GCN1: variants seen among roughly 807,000 people sequenced by gnomAD.
The protein encoded by GCN1 is stalled ribosome sensor GCN1.
In GCN1, 90 loss-of-function variants were observed where a neutral mutation model predicts 288.4. The observed-to-expected ratio is 0.31, with a 90% CI of 0.26 to 0.37. The LOEUF (loss-of-function observed/expected upper bound fraction) is 0.37, where lower values mean the gene tolerates loss of function less well. Ranked by LOEUF, GCN1 falls within the 10% of genes least tolerant of loss-of-function variation. The probability of loss-of-function intolerance (pLI) is 1.00; values close to 1 mark genes in which losing one functional copy is unlikely to be tolerated. For missense variants in GCN1, 2,586 were observed against 3,419.9 expected (o/e 0.76, Z 6.08); for synonymous variants, 1,386 against 1,420.2 (o/e 0.98, Z 0.54).
At position 120,131,597 on chromosome 12, in the gene GCN1, G is replaced by T. The variant is rs141209798; in HGVS notation, c.7415-264C>A. ...TGAGCAGAGACACTCAGGGCTACGGGACCACTGCAAATTCAGTATTGTTTG... is the reference window on the plus strand; with the variant it reads ...TGAGCAGAGACACTCAGGGCTACGGTACCACTGCAAATTCAGTATTGTTTG... On this transcript the variant is annotated intron_variant, in intron 54 of 57. Transcript: ENST00000300648. Among the ~76,000 whole-genome samples, 23 of 152,312 alleles carry T rather than the reference G, an allele frequency of 1.5e-4. No individual in the cohort carries two copies. In the East Asian group the frequency reaches 4.1e-3, roughly 27 times the overall value.
chr12:120,152,017 A>G (rs1877570909), intron 33 of GCN1, among the ~76,000 whole-genome samples: 1 of 143,784 alleles, frequency 7.0e-6, no homozygotes, highest in Admixed American at 6.8e-5. Context: ...TTTTTGGTAA[A>G]GTTTTTTGTT....
chr12:120,177,591 T>C (rs751101099), intron 8 of GCN1, 36 bp from the exon 9 acceptor site: 1 of 1,550,498 alleles, frequency 6.4e-7, no homozygotes, highest in Admixed American at 1.7e-5. Flanking sequence ...CTAGCCCTCA[T>C]GGGAACGGAC....
In GCN1 at chr12:120,142,512, T is replaced by A; in HGVS notation, c.5824A>T (p.Arg1942Ter). 1 of 1,613,286 alleles carries A rather than the reference T, an allele frequency of 6.2e-7. No homozygotes were observed. Among genetic ancestry groups the A allele is most frequent in the Non-Finnish European group, 8.5e-7 (1 of 1,179,476 alleles). ...GFLASTCADK[R>*]TIAARTLGDL... The stretch of plus-strand genomic sequence containing the variant: ...ACAAGGCCCAGGAAACTCACCGTTC[T>A]CTTATCTGCACACGTGCTGGCCAGG... Residue 1942 changes from arginine to a stop codon, truncating the protein, a stop_gained, in exon 44 of 58, where the codon AGA becomes TGA. Transcript: ENST00000300648. LOFTEE classifies it high-confidence loss of function. This position sits in a 1 kb window ranked among gnomAD's most constrained non-coding sequence, Gnocchi z 4.9.
Position 120,161,874 on chromosome 12 carries a change from T to C in GCN1, c.2342+6A>G, listed in dbSNP as rs1594275846. 1 of 1,613,290 alleles carries C rather than the reference T, an allele frequency of 6.2e-7. No individual in the cohort carries two copies. Among genetic ancestry groups the C allele is most frequent in the Non-Finnish European group, 8.5e-7 (1 of 1,179,476 alleles). ...AAGGAAACTGAGCCCATAAGTGAGG[T>C]CTCACCTCTGAATGATGGATTTGTC... is the stretch of plus-strand genomic sequence containing the variant. On this transcript the variant is annotated splice_donor_region_variant and intron_variant, in intron 21 of 57. Coordinates refer to ENST00000300648, the MANE Select transcript of GCN1 (RefSeq NM_006836.2).
chr12:120,188,427 C>CTG (rs1157271526), intron 2 of GCN1, among the ~76,000 whole-genome samples: 1 of 124,736 alleles, frequency 8.0e-6, no homozygotes, highest in Non-Finnish European at 1.6e-5. Context: ...GAGGGAGACT[C>CTG]TGTCTCACCA....
At chr12:120,152,370 G>A (rs1170510250) in intron 33 of GCN1, among the ~76,000 whole-genome samples, 1 of 135,488 alleles carries the variant, frequency 7.4e-6, no homozygotes, top group Non-Finnish European at 1.6e-5. Context: ...GGTCCAAAAT[G>A]CAAACCACAC....
In GCN1 at chr12:120,127,690, G is replaced by C; in HGVS notation, c.*159C>G. The C allele has an allele frequency of 1.2e-6, 1 of 806,936 alleles. No homozygotes were observed. The highest frequency in any genetic ancestry group is 2.0e-6 in the Non-Finnish European group (1 of 504,858). The allele number at this position is 806,936 out of a possible 1,614,324, so 50.0% of individuals were successfully genotyped here. On this transcript the variant is annotated 3_prime_UTR_variant, in exon 58 of 58. Transcript: ENST00000300648. The stretch of plus-strand genomic sequence containing the variant: ...GATGGAGGAGGCAATTTTCAGTTGT[G>C]TGTGGGTTTGATTTAAGGCTTTGGC...
rs1039785524 is a variant in GCN1 at position 120,163,124 on chromosome 12, C to T, written c.1984G>A (p.Asp662Asn). The T allele has an allele frequency of 5.6e-6, 9 of 1,614,106 alleles. No individual in the cohort carries two copies. The highest frequency in any genetic ancestry group is 1.3e-5 in the African/African-American group (1 of 74,936). ...GVPGLKGDVT[D>N]TEQLAQEMLI... is the part of the protein sequence containing the mutation. Reference sequence around the variant, plus strand: ...ATTTCCTGGGCCAGTTGTTCAGTGTCGGTGACATCACCCTTGAGCCCTGGC... The same window carrying T: ...ATTTCCTGGGCCAGTTGTTCAGTGTTGGTGACATCACCCTTGAGCCCTGGC... The change falls in exon 19 of 58, where the codon GAC (aspartate) becomes AAC (asparagine). Residue 662 changes from aspartate to asparagine, a missense_variant. Physicochemically the swap from Asp to Asn is conservative, Grantham distance 23. Transcript: ENST00000300648.
In GCN1 at chr12:120,177,692, A is replaced by T; in HGVS notation, c.721T>A (p.Tyr241Asn). The change falls in exon 8 of 58, where the codon TAC (tyrosine) becomes AAC (asparagine). Residue 241 changes from tyrosine (Y) to asparagine (N), a missense_variant. Physicochemically the swap from Tyr to Asn is moderately radical, Grantham distance 143. Around this residue, in one of 8 missense-constraint regions of GCN1, gnomAD observed 913 missense variants for 1,107.0 expected, o/e 0.82. Transcript: ENST00000300648. ...GTCCACCTCTCGCTCACCAACAGGT[A>T]CTTCGGAGGCTTGACTTTGCTCATC... Reference protein sequence around the residue: ...ILMSKVKPPKYLLDSCAPLLR... With the variant: ...ILMSKVKPPKNLLDSCAPLLR... 1 of 1,612,622 alleles carries T rather than the reference A, an allele frequency of 6.2e-7. No individual in the cohort carries two copies. The highest frequency in any genetic ancestry group is 8.5e-7 in the Non-Finnish European group (1 of 1,178,584).
In GCN1 at chr12:120,154,952, G is replaced by A. The variant is rs763357481; in HGVS notation, c.3701+18C>T. ...CTCACAAAGCTTGGAGTAGAACGAG[G>A]CTGAACAATTGTTATACCTGGCTTC... On this transcript the variant is annotated intron_variant, in intron 31 of 57. Transcript: ENST00000300648. The A allele has an allele frequency of 6.2e-7, 1 of 1,602,196 alleles. No homozygotes were observed.
intron 14 of GCN1, among the ~76,000 whole-genome samples, chr12:120,172,763 C>T (rs935095354): frequency 6.6e-6 from 1 of 152,200 alleles, no homozygotes; most frequent in African/African-American, 2.4e-5. Flanking sequence ...ACCGCCTCGG[C>T]CTCCCAAAGT....
chr12:120,158,684 C>A lies in GCN1; in HGVS notation c.2750-69G>T. ...ATGTGGAATCCAGCCCAGGCTAAAA[C>A]AGGGGACCCAGTGCCTCATCCTTCT... is the stretch of plus-strand genomic sequence containing the variant. On this transcript the variant is annotated intron_variant, in intron 24 of 57. Transcript: ENST00000300648. This position sits in a 1 kb window ranked among gnomAD's most constrained non-coding sequence, Gnocchi z 4.3. The A allele has an allele frequency of 7.5e-7, 1 of 1,328,766 alleles. No homozygotes were observed. Among genetic ancestry groups the A allele is most frequent in the Non-Finnish European group, 1.0e-6 (1 of 969,174 alleles). The allele number at this position is 1,328,766 out of a possible 1,614,324, so 82.3% of individuals were successfully genotyped here.
In GCN1 at chr12:120,151,277, C is replaced by T. The variant is rs1235468390; in HGVS notation, c.4177G>A (p.Glu1393Lys). 6.2e-7 allele frequency: 1 copy of T among 1,614,210 alleles called. No individual in the cohort carries two copies. The highest frequency in any genetic ancestry group is 1.7e-5 in the Admixed American group (1 of 60,036). The change falls in exon 34 of 58, where the codon GAG (glutamate) becomes AAG (lysine). Residue 1393 changes from glutamate (E) to lysine (K), a missense_variant. Physicochemically the swap from Glu to Lys is moderately conservative, Grantham distance 56 (BLOSUM62 1). Coordinates refer to ENST00000300648, the MANE Select transcript of GCN1 (RefSeq NM_006836.2). ...AGGCCATAGGCGGCCCCTTTGCGCT[C>T]TGCGTACTTGTCTGACTCCAGCAGC... Reference protein sequence around the residue: ...QQLLESDKYAERKGAAYGLAG... With the variant: ...QQLLESDKYAKRKGAAYGLAG...
chr12:120,193,409 G>C (rs1594294410), intron 1 of GCN1, among the ~76,000 whole-genome samples: 1 of 152,062 alleles, frequency 6.6e-6, no homozygotes, highest in Non-Finnish European at 1.5e-5. Flanking sequence ...AGGTTCAAGC[G>C]ATTCTCATGC....
intron 21 of GCN1, 78 bp downstream of exon 21, chr12:120,161,802 G>T: frequency 7.3e-7 from 1 of 1,368,154 alleles, no homozygotes. Flanking sequence ...ACTCACAGGA[G>T]GCACTGGCTC....
rs60284535 is a variant in GCN1, at chr12:120,165,051, A to ATT, written c.1613-332_1613-331dup. On this transcript the variant is annotated intron_variant, in intron 16 of 57. Transcript: ENST00000300648. ...CACACACACACATATATATATATATATTTTTTTTTTTGAGAGACAGTCACG... is the reference window on the plus strand; with the variant it reads ...CACACACACACATATATATATATATATTTTTTTTTTTTTGAGAGACAGTCACG... 8.0e-4 allele frequency among the ~76,000 whole-genome samples: 114 copies of ATT among 142,152 alleles called. 1 individual carries two copies. The highest frequency in any genetic ancestry group is 5.6e-3 in the Admixed American group (80 of 14,266). 93.3% of individuals were successfully genotyped at this position (142,152 alleles called of 152,430 possible).
At chr12:120,186,023 A>C (rs943624014) in intron 2 of GCN1, among the ~76,000 whole-genome samples, 1 of 151,984 alleles carries the variant, frequency 6.6e-6, no homozygotes, top group Non-Finnish European at 1.5e-5. Flanking sequence ...AAAGAGTTCA[A>C]CTCTTGGTTG....
chr12:120,158,727 C>T lies in GCN1; in HGVS notation c.2750-112G>A. 4 of 982,644 alleles carry T rather than the reference C, an allele frequency of 4.1e-6. No individual in the cohort carries two copies. The highest frequency in any genetic ancestry group is 5.9e-6 in the Non-Finnish European group (4 of 676,632). The allele number at this position is 982,644 out of a possible 1,614,324, so 60.9% of individuals were successfully genotyped here. A position where few individuals can be genotyped will look rare whatever the true frequency, so the allele number is the denominator to read the frequency against. ...ATCCTTCTGACTTAAAAAAATATTTCTGCGGCTGGGCGCGGTGGCTGATGC... is the reference window on the plus strand; with the variant it reads ...ATCCTTCTGACTTAAAAAAATATTTTTGCGGCTGGGCGCGGTGGCTGATGC... On this transcript the variant is annotated intron_variant, in intron 24 of 57. Transcript: ENST00000300648. The surrounding 1 kb of genome is among the most constrained non-coding windows in gnomAD (Gnocchi z 4.3).
chr12:120,165,076 G>A (rs1181228700), intron 16 of GCN1, among the ~76,000 whole-genome samples: 2 of 143,082 alleles, frequency 1.4e-5, no homozygotes, highest in Admixed American at 7.0e-5. Context: ...AGACAGTCAC[G>A]CTCTGTCGCC....
Sources: allele counts gnomAD v4.1 joint callset (sites outside exome capture counted in the v4.1 genomes callset), GRCh38; gene constraint gnomAD v4.1.1; regional missense constraint gnomAD v4.1.1; non-coding constraint Gnocchi (gnomAD v3.1); transcripts MANE v1.5; gene names NCBI Gene and HGNC (gene_info 2026-07-23, HGNC 2026-07-21).